Variants in CLDN18 observed in about 807,000 individuals in gnomAD.
CLDN18 encodes the protein claudin 18.
A neutral mutation model predicts 25.0 loss-of-function variants in CLDN18; 20 were observed. That is an observed-to-expected ratio of 0.80 (90% CI 0.56 to 1.16). CLDN18 has a LOEUF of 1.16. Among genes scored for constraint, CLDN18 ranks in the 50% most tolerant of loss-of-function variants. The probability of loss-of-function intolerance (pLI) is 0.00; values close to 1 mark genes in which losing one functional copy is unlikely to be tolerated. For synonymous variants in CLDN18, 125 were observed against 135.6 expected, an observed-to-expected ratio of 0.92 and a Z score of 0.54; for missense variants, 297 against 345.4, an observed-to-expected ratio of 0.86 and a Z score of 1.11.
At chr3:137,999,306 T>C (rs965763981) in intron 1 of CLDN18, among the ~76,000 whole-genome samples, 1 of 152,188 alleles carries the variant, frequency 6.6e-6, no homozygotes, top group Non-Finnish European at 1.5e-5. Context: ...TTCCCCTAAC[T>C]GGATGGTGCC....
intron 4 of CLDN18, 146 bp downstream of exon 4, chr3:138,030,053 G>C (rs542794220): frequency 3.1e-6 from 2 of 636,328 alleles, no homozygotes; most frequent in Admixed American, 2.7e-5. Context: ...CTCTTTTAGG[G>C]GGAACCTAAA....
intron 3 of CLDN18, among the ~76,000 whole-genome samples, chr3:138,027,872 AG>A (rs988440888): frequency 5.3e-5 from 8 of 152,176 alleles, no homozygotes; most frequent in Non-Finnish European, 1.0e-4. Flanking sequence ...GGGTAGGATG[AG>A]GGGGCAGGGC....
intron 1 of CLDN18, among the ~76,000 whole-genome samples, chr3:138,011,945 G>A (rs898043061): frequency 1.3e-5 from 2 of 152,086 alleles, no homozygotes; most frequent in South Asian, 2.1e-4. Context: ...CCCCCTTGAT[G>A]GAACAAGATT....
chr3:138,017,831 C>T (rs567682987), intron 1 of CLDN18, among the ~76,000 whole-genome samples: 1 of 152,318 alleles, frequency 6.6e-6, no homozygotes, highest in African/African-American at 2.4e-5. Context: ...CGTTATTGTA[C>T]ATATGAAGAA....
chr3:138,021,315 G>C (rs1285281294), intron 1 of CLDN18, among the ~76,000 whole-genome samples: 1 of 150,820 alleles, frequency 6.6e-6, no homozygotes, highest in African/African-American at 2.4e-5. Flanking sequence ...TTTTAATTTT[G>C]CCTGGATGTT....
intron 1 of CLDN18, among the ~76,000 whole-genome samples, chr3:138,017,757 G>T (rs921023230): frequency 1.3e-5 from 2 of 152,186 alleles, no homozygotes; most frequent in African/African-American, 4.8e-5. Flanking sequence ...CTCTTCAAAA[G>T]AGAAAAATAT....
chr3:138,021,017 G>A (rs938658996), intron 1 of CLDN18, among the ~76,000 whole-genome samples: 34 of 152,244 alleles, frequency 2.2e-4, no homozygotes, highest in Admixed American at 1.4e-3. Flanking sequence ...GTTACCTCAC[G>A]TGAGTCTCCA....
rs948034595 is a variant in CLDN18 at position 138,033,138 on chromosome 3, A to G, written c.*1997A>G. The G allele has an allele frequency of 3.9e-5, 6 of 152,240 alleles. No individual in the cohort carries two copies. The highest frequency in any genetic ancestry group is 3.9e-4 in the Admixed American group (6 of 15,278). 9.4% of individuals were successfully genotyped at this position (152,240 alleles called of 1,614,324 possible). A position where few individuals can be genotyped will look rare whatever the true frequency, so the allele number is the denominator to read the frequency against. On this transcript the variant is annotated 3_prime_UTR_variant, in exon 5 of 5. Transcript: ENST00000183605. ...CTGAACAGACTATGTCTGGGGAAAGAACGGATTATGCCCCATTAAATAACA... is the reference window on the plus strand; with the variant it reads ...CTGAACAGACTATGTCTGGGGAAAGGACGGATTATGCCCCATTAAATAACA...
chr3:138,030,257 G>A (rs1942374875), intron 4 of CLDN18, among the ~76,000 whole-genome samples: 1 of 152,250 alleles, frequency 6.6e-6, no homozygotes, highest in Non-Finnish European at 1.5e-5. Context: ...GAGGGTGGGG[G>A]AAAGTGATAC....
intron 1 of CLDN18, among the ~76,000 whole-genome samples, chr3:137,999,660 A>G (rs1941994439): frequency 6.6e-6 from 1 of 152,178 alleles, no homozygotes; most frequent in African/African-American, 2.4e-5. Flanking sequence ...TCTCCAGAAA[A>G]TATTGGTGAC....
intron 1 of CLDN18, among the ~76,000 whole-genome samples, chr3:138,013,834 A>G (rs1456288068): frequency 2.6e-5 from 4 of 152,252 alleles, no homozygotes; most frequent in East Asian, 1.9e-4. Context: ...TGTGTAAACT[A>G]TCATCTGACA....
At chr3:138,026,159 C>G (rs906339860) in intron 3 of CLDN18, among the ~76,000 whole-genome samples, 1 of 152,108 alleles carries the variant, frequency 6.6e-6, no homozygotes, top group Non-Finnish European at 1.5e-5. Flanking sequence ...GTTCCAGTGC[C>G]CCACTTGGTC....
At chr3:138,028,634 T>G (rs1194168142) in intron 3 of CLDN18, among the ~76,000 whole-genome samples, 1 of 152,234 alleles carries the variant, frequency 6.6e-6, no homozygotes, top group African/African-American at 2.4e-5. Context: ...AGTTATCAGC[T>G]GGCATTAAAA....
chr3:138,030,905 T>C (rs1028263915), intron 4 of CLDN18, 65 bp from the exon 5 acceptor site: 76 of 1,429,160 alleles, frequency 5.3e-5, no homozygotes, highest in Non-Finnish European at 5.8e-5. Flanking sequence ...CAGTTTATGG[T>C]AAATAGGAGG....
intron 1 of CLDN18, among the ~76,000 whole-genome samples, chr3:138,018,384 T>G (rs984143622): frequency 6.9e-6 from 1 of 144,210 alleles, no homozygotes; most frequent in Non-Finnish European, 1.5e-5. Context: ...TCGCCCAGGC[T>G]GGAGTGCAGT....
intron 3 of CLDN18, among the ~76,000 whole-genome samples, chr3:138,027,725 C>T (rs1004899041): frequency 6.6e-6 from 1 of 152,164 alleles, no homozygotes; most frequent in African/African-American, 2.4e-5. Flanking sequence ...AATCACTCAA[C>T]CATCCATAGG....
chr3:138,016,890 C>T (rs1156881208), intron 1 of CLDN18, among the ~76,000 whole-genome samples: 1 of 152,076 alleles, frequency 6.6e-6, no homozygotes, highest in Non-Finnish European at 1.5e-5. Context: ...CCTGTCTCTA[C>T]TAAAAATATG....
rs758674451 is a variant in CLDN18, at chr3:138,010,202, G to A, written c.-24G>A. 44 of 1,606,212 alleles carry A rather than the reference G, an allele frequency of 2.7e-5. No homozygotes were observed. Among genetic ancestry groups the A allele is most frequent in the Admixed American group, 1.5e-4 (9 of 59,522 alleles). On this transcript the variant is annotated 5_prime_UTR_variant, in exon 1 of 5. Coordinates refer to ENST00000183605, the MANE Select transcript of CLDN18 (RefSeq NM_016369.4). ...GCAGGAGGGCGGCAGCTTCTCGCAG[G>A]CGGCAGGGCGGGCGGCCAGGATCAT...
intron 1 of CLDN18, chr3:138,004,703 T>G (rs1036892972): frequency 6.6e-6 from 1 of 151,664 alleles, no homozygotes; most frequent in Non-Finnish European, 1.5e-5. Flanking sequence ...GACTAGCTTT[T>G]TTTGAAGGAA....
Sources: allele counts gnomAD v4.1 joint callset (sites outside exome capture counted in the v4.1 genomes callset), GRCh38; gene constraint gnomAD v4.1.1; transcripts MANE v1.5; gene names NCBI Gene and HGNC (gene_info 2026-07-23, HGNC 2026-07-21).